PPP1R2: variants seen among roughly 807,000 people sequenced by gnomAD.
The protein encoded by PPP1R2 is protein phosphatase 1 regulatory inhibitor subunit 2.
PPP1R2 carries 16 observed loss-of-function variants against 29.9 expected under a neutral mutation model. That is an observed-to-expected ratio of 0.53 (90% CI 0.36 to 0.81). PPP1R2 has a LOEUF of 0.81. Among genes scored for constraint, PPP1R2 ranks in the 30% least tolerant of loss-of-function variants. PPP1R2 has a pLI of 0.00. For synonymous variants in PPP1R2, 76 were observed against 91.5 expected, an observed-to-expected ratio of 0.83 and a Z score of 0.96; for missense variants, 197 against 252.7, an observed-to-expected ratio of 0.78 and a Z score of 1.49.
rs186950475 is a variant in PPP1R2 at position 195,530,874 on chromosome 3, G to A, written c.123-973C>T. Among the ~76,000 whole-genome samples the A allele has an allele frequency of 9.9e-3, 1,502 of 152,076 alleles. 8 individuals are homozygous for A. Among genetic ancestry groups the A allele is most frequent in the Non-Finnish European group, 0.017 (1,148 of 68,014 alleles). ...TTTTGCTCTTGTCGCCCAGGCTGGAGTGCAATGGCACGATCTCGGCTCACT... is the reference window on the plus strand; with the variant it reads ...TTTTGCTCTTGTCGCCCAGGCTGGAATGCAATGGCACGATCTCGGCTCACT... On this transcript the variant is annotated intron_variant, in intron 1 of 5. Coordinates refer to ENST00000618156, the MANE Select transcript of PPP1R2 (RefSeq NM_006241.8).
Position 195,542,925 on chromosome 3 carries a change from C to A in PPP1R2, c.101G>T (p.Gly34Val). 2 of 1,603,182 alleles carry A rather than the reference C, an allele frequency of 1.2e-6. No individual in the cohort carries two copies. The highest frequency in any genetic ancestry group is 1.7e-6 in the Non-Finnish European group (2 of 1,174,956). ...TCACCTCAGCTCCTCGTCGACATTC[C>A]CGCGGGGCTGTTCGGCCGACGCCAC... ...SMVASAEQPR[G>V]NVDEELSKKS... The change falls in exon 1 of 6, where the codon GGG becomes GTG. Residue 34 changes from glycine to valine, a missense_variant. Physicochemically the swap from Gly to Val is moderately radical, Grantham distance 109. This residue lies in a region of PPP1R2 where 54 missense variants were observed against 60.6 expected (regional missense o/e 0.89). Transcript: ENST00000618156.
At chr3:195,517,799 A>T (rs531887488) in intron 5 of PPP1R2, among the ~76,000 whole-genome samples, 4 of 152,308 alleles carry the variant, frequency 2.6e-5, no homozygotes, top group East Asian at 3.9e-4. Context: ...GCTCAAGTTA[A>T]ATATAAGTTA....
intron 2 of PPP1R2, chr3:195,527,763 A>G: frequency 5.5e-6 from 1 of 182,336 alleles, no homozygotes; most frequent in Non-Finnish European, 1.2e-5. Flanking sequence ...GCTACCTGGG[A>G]GGCGGAGGAG....
At chr3:195,526,473 G>C (rs573423713) in intron 2 of PPP1R2, among the ~76,000 whole-genome samples, 3 of 152,076 alleles carry the variant, frequency 2.0e-5, no homozygotes, top group Non-Finnish European at 4.4e-5. Context: ...GATAAAAGCA[G>C]GACACAGGTT....
chr3:195,523,464 A>C (rs1422832719), intron 4 of PPP1R2, among the ~76,000 whole-genome samples: 2 of 152,270 alleles, frequency 1.3e-5, no homozygotes, highest in Middle Eastern at 3.2e-3. Flanking sequence ...AATAATACTT[A>C]TAATTACTTT....
intron 2 of PPP1R2, chr3:195,527,838 C>T: frequency 5.9e-6 from 2 of 340,954 alleles, no homozygotes; most frequent in Non-Finnish European, 1.1e-5. Context: ...TTAATAGCCA[C>T]TGCACTGGGC....
At chr3:195,530,200 T>C (rs1409520347) in intron 1 of PPP1R2, among the ~76,000 whole-genome samples, 1 of 152,220 alleles carries the variant, frequency 6.6e-6, no homozygotes, top group Non-Finnish European at 1.5e-5. Context: ...ATTTGGCCTA[T>C]AAAATAATGC....
At chr3:195,541,412 T>C (rs901601622) in intron 1 of PPP1R2, among the ~76,000 whole-genome samples, 1 of 152,004 alleles carries the variant, frequency 6.6e-6, no homozygotes, top group African/African-American at 2.4e-5. Flanking sequence ...TTGAGCCTTC[T>C]GTAGTTACGT....
chr3:195,536,344 C>T (rs890618622), intron 1 of PPP1R2, among the ~76,000 whole-genome samples: 3 of 150,710 alleles, frequency 2.0e-5, no homozygotes, highest in African/African-American at 4.9e-5. Context: ...TGTGAGACAC[C>T]GCACCCAGCC....
At chr3:195,520,933 C>CA (rs142994999) in intron 4 of PPP1R2, among the ~76,000 whole-genome samples, 1,980 of 152,172 alleles carry the variant, frequency 0.013, 48 homozygotes, top group African/African-American at 0.046. Context: ...CCTCCCAAAG[C>CA]ACTGGGATTA....
intron 2 of PPP1R2, chr3:195,528,700 C>CTTTTTTTTTTTTTTTTTTTTTTTTT (rs767313014): frequency 2.6e-5 from 2 of 76,646 alleles, no homozygotes; most frequent in African/African-American, 5.3e-5. Flanking sequence ...TAGGGCATAA[C>CTTTTTTTTTTTTTTTTTTTTTTTTT]TATTTTTTTT....
intron 4 of PPP1R2, among the ~76,000 whole-genome samples, chr3:195,522,254 A>C (rs1030619902): frequency 1.3e-5 from 2 of 152,218 alleles, no homozygotes; most frequent in South Asian, 2.1e-4. Flanking sequence ...CTGGAGCACA[A>C]ACTTAGGTTT....
At chr3:195,529,460 A>C (rs1719101958) in intron 2 of PPP1R2, 1 of 179,354 alleles carries the variant, frequency 5.6e-6, no homozygotes, top group Non-Finnish European at 1.2e-5. Context: ...AGTAAACCCC[A>C]GATTTCTACT....
Position 195,542,921 on chromosome 3 carries a change from A to G in PPP1R2, c.105T>C (p.Asn35=), listed in dbSNP as rs749791676. The G allele has an allele frequency of 1.2e-6, 2 of 1,602,806 alleles. No individual in the cohort carries two copies. Among genetic ancestry groups the G allele is most frequent in the East Asian group, 2.3e-5 (1 of 44,300 alleles). ...GCGCTCACCTCAGCTCCTCGTCGAC[A>G]TTCCCGCGGGGCTGTTCGGCCGACG... is the stretch of plus-strand genomic sequence containing the variant. ...MVASAEQPRG[N]VDEELSKKSQ... The change falls in exon 1 of 6, where the codon AAT becomes AAC. Residue 35 remains asparagine (N), a synonymous_variant. Transcript: ENST00000618156.
At chr3:195,533,345 A>AG (rs1316373392) in intron 1 of PPP1R2, among the ~76,000 whole-genome samples, 1 of 149,278 alleles carries the variant, frequency 6.7e-6, no homozygotes. Context: ...ACTCTGCCTC[A>AG]GGAAAAAAAA....
chr3:195,523,241 T>A (rs774867039), intron 4 of PPP1R2: 22 of 170,346 alleles, frequency 1.3e-4, no homozygotes, highest in Non-Finnish European at 2.4e-4. Flanking sequence ...TTTTGATTGA[T>A]GGGACCTAAT....
At chr3:195,542,623 G>C (rs1229416935) in intron 1 of PPP1R2, among the ~76,000 whole-genome samples, 1 of 151,998 alleles carries the variant, frequency 6.6e-6, no homozygotes, top group Non-Finnish European at 1.5e-5. Flanking sequence ...AAGATCTGAA[G>C]CTTCAATTTC....
At chr3:195,532,612 A>T (rs565754209) in intron 1 of PPP1R2, among the ~76,000 whole-genome samples, 1 of 152,252 alleles carries the variant, frequency 6.6e-6, no homozygotes, top group African/African-American at 2.4e-5. Flanking sequence ...TACTATAGAG[A>T]AGCCAAAAAA....
At chr3:195,535,450 C>T (rs1262904947) in intron 1 of PPP1R2, among the ~76,000 whole-genome samples, 4 of 152,208 alleles carry the variant, frequency 2.6e-5, no homozygotes, top group Admixed American at 6.5e-5. Flanking sequence ...AATTCCTGCT[C>T]GAGAAAACTG....
Sources: allele counts gnomAD v4.1 joint callset (sites outside exome capture counted in the v4.1 genomes callset), GRCh38; gene constraint gnomAD v4.1.1; regional missense constraint gnomAD v4.1.1; transcripts MANE v1.5; gene names NCBI Gene and HGNC (gene_info 2026-07-23, HGNC 2026-07-21).